Variants in BST1 observed in about 807,000 individuals in gnomAD.
The protein encoded by BST1 is ADP-ribosyl cyclase/cyclic ADP-ribose hydrolase 2.
A neutral mutation model predicts 40.6 loss-of-function variants in BST1; 49 were observed. The ratio of observed to expected loss-of-function variants is 1.21; its 90% CI spans 0.96 to 1.53. The LOEUF is 1.53. BST1 is among the 40% of genes most tolerant of loss of function. The probability of loss-of-function intolerance (pLI) is 0.00; values close to 1 mark genes in which losing one functional copy is unlikely to be tolerated. For missense variants in BST1, 423 were observed against 395.9 expected (o/e 1.07, Z -0.58); for synonymous variants, 157 against 159.3 (o/e 0.99, Z 0.11).
intron 8 of BST1, among the ~76,000 whole-genome samples, chr4:15,729,716 C>G (rs1721284524): frequency 6.6e-6 from 1 of 152,122 alleles, no homozygotes; most frequent in African/African-American, 2.4e-5. Context: ...TATAGTCTCA[C>G]ATTGACAAGA....
chr4:15,707,797 C>A, intron 3 of BST1, 151 bp downstream of exon 3: 3 of 925,384 alleles, frequency 3.2e-6, no homozygotes, highest in Non-Finnish European at 4.6e-6. Context: ...AATAACAATA[C>A]TAGAGAATAC....
At chr4:15,741,553 G>C (rs1279372921), downstream of BST1, among the ~76,000 whole-genome samples, 1 of 152,174 alleles carries the variant, frequency 6.6e-6, no homozygotes, top group African/African-American at 2.4e-5. Context: ...GCCTTATTGA[G>C]AGCATGTGTC....
chr4:15,773,756 A>T, the BST1 span, among the ~76,000 whole-genome samples: 2 of 152,244 alleles, frequency 1.3e-5, no homozygotes, highest in Admixed American at 6.5e-5. Flanking sequence ...CGGGCTCAGC[A>T]CTGCATCCAG....
chr4:15,759,282 A>G, the BST1 span, among the ~76,000 whole-genome samples: 1 of 152,008 alleles, frequency 6.6e-6, no homozygotes, highest in African/African-American at 2.4e-5. Flanking sequence ...TGTGCTGCTC[A>G]AGGGCTGACT....
In BST1 at chr4:15,731,570, G is replaced by C. The variant is rs1268433762; in HGVS notation, c.852-170G>C. 4.7e-6 allele frequency: 5 copies of C among 1,060,316 alleles called. No homozygotes were observed. The South Asian group carries it at 5.4e-5, about 11-fold the overall frequency. 65.7% of individuals were successfully genotyped at this position (1,060,316 alleles called of 1,614,324 possible). ...AACTTGGGGTGCTTGCGCTGGTTTC[G>C]GTGCAGGACTTCGCGCACCGCCTCC... On this transcript the variant is annotated intron_variant, in intron 8 of 8. Transcript: ENST00000265016.
chr4:15,730,990 G>T, intron 8 of BST1: 2 of 533,198 alleles, frequency 3.8e-6, no homozygotes. Context: ...CTTGCCTATG[G>T]TGCTCTCGAT....
chr4:15,709,824 C>G (rs1720086568), intron 3 of BST1, among the ~76,000 whole-genome samples: 1 of 151,890 alleles, frequency 6.6e-6, no homozygotes, highest in Non-Finnish European at 1.5e-5. Flanking sequence ...TTTACATAAC[C>G]CTGTGATTGG....
chr4:15,716,100 A>T (rs906652430), intron 6 of BST1, among the ~76,000 whole-genome samples: 2 of 152,180 alleles, frequency 1.3e-5, no homozygotes, highest in Non-Finnish European at 2.9e-5. Context: ...TGAGGGTCTA[A>T]GCCAGTTTCT....
chr4:15,705,651 C>G lies in BST1; in HGVS notation c.315+10C>G. On this transcript the variant is annotated intron_variant, in intron 2 of 8. Coordinates refer to ENST00000265016, the MANE Select transcript of BST1 (RefSeq NM_004334.3). Reference sequence around the variant, plus strand: ...TATTCCCAGAGATAAGGTAACACCACAACCATCTTGGGTAAAACTGTGTTC... The same window carrying G: ...TATTCCCAGAGATAAGGTAACACCAGAACCATCTTGGGTAAAACTGTGTTC... 2 of 1,613,862 alleles carry G rather than the reference C, an allele frequency of 1.2e-6. No individual in the cohort carries two copies. Among genetic ancestry groups the G allele is most frequent in the Non-Finnish European group, 1.7e-6 (2 of 1,179,774 alleles).
chr4:15,751,773 A>G, the BST1 span, among the ~76,000 whole-genome samples: 1 of 152,176 alleles, frequency 6.6e-6, no homozygotes. Flanking sequence ...ATCTATGTAT[A>G]GATGTACTGT....
the BST1 span, among the ~76,000 whole-genome samples, chr4:15,747,581 CTG>C: frequency 6.6e-6 from 1 of 152,176 alleles, no homozygotes; most frequent in East Asian, 1.9e-4. Flanking sequence ...TGTCAGCGAG[CTG>C]TGTTATTCTA....
chr4:15,723,696 A>T (rs1720949700), intron 8 of BST1: 1 of 866,566 alleles, frequency 1.2e-6, no homozygotes, highest in African/African-American at 1.8e-5. Flanking sequence ...TGTAGGATAG[A>T]TTCCCAGAAA....
chr4:15,771,485 G>A, the BST1 span, among the ~76,000 whole-genome samples: 1 of 152,130 alleles, frequency 6.6e-6, no homozygotes, highest in Non-Finnish European at 1.5e-5. Flanking sequence ...CAGAAGTAAG[G>A]GGCTATAGGG....
the BST1 span, among the ~76,000 whole-genome samples, chr4:15,745,307 G>A: frequency 6.6e-6 from 1 of 152,118 alleles, no homozygotes; most frequent in Non-Finnish European, 1.5e-5. Context: ...CTTGCAATTT[G>A]TAGGTTTATG....
At chr4:15,737,644 C>A (rs536523128), downstream of BST1, 6 of 435,718 alleles carry the variant, frequency 1.4e-5, no homozygotes, top group African/African-American at 8.2e-5. Context: ...ACATGGAAGA[C>A]CCCTGAGCAC....
chr4:15,753,338 A>G, the BST1 span, among the ~76,000 whole-genome samples: 1 of 152,204 alleles, frequency 6.6e-6, no homozygotes, highest in African/African-American at 2.4e-5. Context: ...GGATTTTTTC[A>G]GATAAAGGCG....
At chr4:15,750,858 T>C in the BST1 span, among the ~76,000 whole-genome samples, 3 of 152,344 alleles carry the variant, frequency 2.0e-5, no homozygotes, top group African/African-American at 7.2e-5. Context: ...ATTTTATATA[T>C]GGCTCATATT....
At chr4:15,720,926 G>A (rs1265622499) in intron 7 of BST1, among the ~76,000 whole-genome samples, 1 of 152,220 alleles carries the variant, frequency 6.6e-6, no homozygotes, top group Non-Finnish European at 1.5e-5. Context: ...TTGTTTTTAT[G>A]TCATTGGGCT....
downstream of BST1, among the ~76,000 whole-genome samples, chr4:15,740,352 G>T (rs1471898614): frequency 6.6e-6 from 1 of 152,144 alleles, no homozygotes; most frequent in Non-Finnish European, 1.5e-5. Flanking sequence ...CCACCATGTC[G>T]GGCCTAAATT....
Sources: gnomAD v4.1 joint callset for allele counts (sites outside exome capture counted in the v4.1 genomes callset) on GRCh38, gnomAD v4.1.1 for gene constraint, MANE v1.5 for transcripts, NCBI Gene and HGNC (gene_info 2026-07-23, HGNC 2026-07-21) for gene names.